ATP10D: variants seen among roughly 807,000 people sequenced by gnomAD.
The protein encoded by ATP10D is ATPase phospholipid transporting 10D (putative).
Under a neutral mutation model 144.8 loss-of-function variants are expected in ATP10D, and 89 were observed. The observed-to-expected ratio is 0.61, with a 90% CI of 0.52 to 0.73. ATP10D has a LOEUF of 0.73. Ranked by LOEUF, ATP10D falls within the 30% of genes least tolerant of loss-of-function variation. The pLI is 0.00. For synonymous variants in ATP10D, 571 were observed against 615.1 expected, an observed-to-expected ratio of 0.93 and a Z score of 1.06; for missense variants, 1,603 against 1,714.8, an observed-to-expected ratio of 0.93 and a Z score of 1.15.
intron 3 of ATP10D, among the ~76,000 whole-genome samples, chr4:47,516,179 G>A (rs1024415898): frequency 4.0e-5 from 6 of 151,608 alleles, no homozygotes; most frequent in South Asian, 4.2e-4. Flanking sequence ...GCAGTGAGCC[G>A]AGATCGCACC....
At chr4:47,532,028 C>A (rs1234216445) in intron 5 of ATP10D, among the ~76,000 whole-genome samples, 1 of 152,168 alleles carries the variant, frequency 6.6e-6, no homozygotes, top group South Asian at 2.1e-4. Context: ...AAATTCTGAT[C>A]CTGTGTCCCA....
chr4:47,533,573 T>G (rs1717678598), intron 5 of ATP10D, among the ~76,000 whole-genome samples: 1 of 152,202 alleles, frequency 6.6e-6, no homozygotes, highest in South Asian at 2.1e-4. Flanking sequence ...GACTTGTAAA[T>G]TGAAGTTTAT....
chr4:47,551,877 G>T (rs1326820352), intron 10 of ATP10D, among the ~76,000 whole-genome samples: 4 of 152,256 alleles, frequency 2.6e-5, no homozygotes, highest in Admixed American at 2.6e-4. Flanking sequence ...GATAAGAATT[G>T]CATGTGGTGA....
In ATP10D at chr4:47,536,344, G is replaced by A. The variant is rs537416535; in HGVS notation, c.1016-93G>A. 88 of 1,476,530 alleles carry A rather than the reference G, an allele frequency of 6.0e-5. No individual in the cohort carries two copies. The East Asian group carries it at 1.4e-3, about 24-fold the overall frequency. 91.5% of individuals were successfully genotyped at this position (1,476,530 alleles called of 1,614,324 possible). A position where few individuals can be genotyped will look rare whatever the true frequency, so the allele number is the denominator to read the frequency against. ...CAAACAGTTGATGTCCAACCAAAAT[G>A]AATACTCTCATTCCTTCTCCTTTAG... On this transcript the variant is annotated intron_variant, in intron 7 of 22. Transcript: ENST00000273859.
chr4:47,556,926 T>C (rs762281785), intron 11 of ATP10D: 1 of 152,180 alleles, frequency 6.6e-6, no homozygotes, highest in Non-Finnish European at 1.5e-5. Flanking sequence ...CATTATGATA[T>C]TGATAACTCT....
intron 9 of ATP10D, among the ~76,000 whole-genome samples, chr4:47,542,239 G>T (rs1718172802): frequency 6.6e-6 from 1 of 151,934 alleles, no homozygotes; most frequent in Non-Finnish European, 1.5e-5. Flanking sequence ...TGGGACTATG[G>T]GCACATGCCA....
chr4:47,572,727 A>G, intron 17 of ATP10D, 145 bp from the exon 18 acceptor site: 1 of 1,055,354 alleles, frequency 9.5e-7, no homozygotes, highest in Non-Finnish European at 1.4e-6. Flanking sequence ...TCATAATCCA[A>G]AAAACTGATT....
At chr4:47,574,752 T>TAG (rs1188951100) in intron 18 of ATP10D, among the ~76,000 whole-genome samples, 1 of 151,806 alleles carries the variant, frequency 6.6e-6, no homozygotes, top group Non-Finnish European at 1.5e-5. Flanking sequence ...ATGATGACAA[T>TAG]AATTTTTTTT....
chr4:47,554,150 A>G (rs1489795518), intron 10 of ATP10D, among the ~76,000 whole-genome samples: 1 of 152,240 alleles, frequency 6.6e-6, no homozygotes, highest in African/African-American at 2.4e-5. Context: ...TAGTTGCCAA[A>G]TGTATGTGGT....
chr4:47,522,424 G>T (rs1019613660), intron 3 of ATP10D, among the ~76,000 whole-genome samples: 2 of 152,164 alleles, frequency 1.3e-5, no homozygotes, highest in African/African-American at 4.8e-5. Flanking sequence ...TTTTATTCCA[G>T]AGTTAGACTC....
At chr4:47,590,913 CCCCCTTTAT>C in intron 22 of ATP10D, 120 bp from the exon 23 acceptor site, 1 of 571,956 alleles carries the variant, frequency 1.7e-6, no homozygotes, top group Non-Finnish European at 3.0e-6. Flanking sequence ...CGGTTACCCT[CCCCCTTTAT>C]TTCAGGAGCC....
chr4:47,506,903 T>G (rs902958146), intron 1 of ATP10D, among the ~76,000 whole-genome samples: 22 of 152,200 alleles, frequency 1.4e-4, no homozygotes, highest in African/African-American at 5.3e-4. Flanking sequence ...GAATGATGTT[T>G]CTAAAAATGC....
intron 3 of ATP10D, among the ~76,000 whole-genome samples, chr4:47,522,065 T>A (rs985687831): frequency 8.5e-5 from 13 of 152,242 alleles, no homozygotes; most frequent in African/African-American, 2.7e-4. Context: ...ATTAGTTTTT[T>A]ATGGATATTT....
intron 1 of ATP10D, among the ~76,000 whole-genome samples, chr4:47,490,513 C>T (rs1560403745): frequency 6.6e-6 from 1 of 152,238 alleles, no homozygotes; most frequent in Non-Finnish European, 1.5e-5. Flanking sequence ...CAGGCTAGTG[C>T]ATGAGAAGAA....
chr4:47,574,006 G>A (rs1720101065), intron 18 of ATP10D, among the ~76,000 whole-genome samples: 1 of 152,144 alleles, frequency 6.6e-6, no homozygotes, highest in Non-Finnish European at 1.5e-5. Flanking sequence ...TATTTGAAAT[G>A]TATAAAATCT....
In ATP10D at chr4:47,591,323, G is replaced by T. The variant is rs764240036; in HGVS notation, c.4223G>T (p.Gly1408Val). The T allele has an allele frequency of 3.1e-6, 5 of 1,612,368 alleles. No individual in the cohort carries two copies. The Admixed American group carries it at 8.3e-5, about 27-fold the overall frequency. ...CTGTGTGAAACTGCTTTAGATCAAGGCTACTCTGAAACTAAGGCCTTTGAG... is the reference window on the plus strand; with the variant it reads ...CTGTGTGAAACTGCTTTAGATCAAGTCTACTCTGAAACTAAGGCCTTTGAG... The part of the protein sequence containing the change: ...LSLCETALDQ[G>V]YSETKAFEMA... Residue 1408 changes from glycine (G) to valine (V), a missense_variant, in exon 23 of 23, where the codon GGC (glycine) becomes GTC (valine). By Grantham distance (109) the Gly-to-Val change is moderately radical. Transcript: ENST00000273859.
chr4:47,525,550 T>C lies in ATP10D; in HGVS notation c.691-7T>C. Reference sequence around the variant, plus strand: ...TTCTTATTTTGTGATTCAAAAAATATTTTTAGGACTCTGAAGTTGATCCTG... The same window carrying C: ...TTCTTATTTTGTGATTCAAAAAATACTTTTAGGACTCTGAAGTTGATCCTG... On this transcript the variant is annotated splice_polypyrimidine_tract_variant and splice_region_variant and intron_variant, in intron 4 of 22. Coordinates refer to ENST00000273859, the MANE Select transcript of ATP10D (RefSeq NM_020453.4). 2 of 1,601,056 alleles carry C rather than the reference T, an allele frequency of 1.2e-6. No individual in the cohort carries two copies. Among genetic ancestry groups the C allele is most frequent in the South Asian group, 2.2e-5 (2 of 90,624 alleles).
At chr4:47,524,012 C>A (rs1425904406) in intron 4 of ATP10D, among the ~76,000 whole-genome samples, 1 of 152,146 alleles carries the variant, frequency 6.6e-6, no homozygotes, top group African/African-American at 2.4e-5. Flanking sequence ...CTGCAACCAC[C>A]GCCTCCTGTG....
rs1443109925 is a variant in ATP10D, at chr4:47,534,387, G to C, written c.777-1122G>C. On this transcript the variant is annotated intron_variant, in intron 5 of 22. Transcript: ENST00000273859. The stretch of plus-strand genomic sequence containing the variant: ...GGAAAATAGCAAACATGTATACACA[G>C]ATACATACATACACACACAAAATAT... Among the ~76,000 whole-genome samples, 3 of 152,218 alleles carry C rather than the reference G, an allele frequency of 2.0e-5. No homozygotes were observed. In the East Asian group the frequency reaches 5.8e-4, roughly 29 times the overall value.
Sources: gnomAD v4.1 joint callset for allele counts (sites outside exome capture counted in the v4.1 genomes callset) on GRCh38, gnomAD v4.1.1 for gene constraint, MANE v1.5 for transcripts, NCBI Gene and HGNC (gene_info 2026-07-23, HGNC 2026-07-21) for gene names.